CADM2: variants seen among roughly 807,000 people sequenced by gnomAD.
The protein encoded by CADM2 is cell adhesion molecule 2.
Under a neutral mutation model 49.8 loss-of-function variants are expected in CADM2, and 12 were observed. The ratio of observed to expected loss-of-function variants is 0.24; its 90% CI spans 0.15 to 0.39. The LOEUF is 0.39. Ranked by LOEUF, CADM2 falls within the 10% of genes least tolerant of loss-of-function variation. The pLI, the probability that CADM2 is intolerant of heterozygous loss-of-function variation, is 1.00. For synonymous variants in CADM2, 214 were observed against 175.4 expected (o/e 1.22, Z -1.74); for missense variants, 378 against 492.3 (o/e 0.77, Z 2.20).
At position 85,456,848 on chromosome 3, in the gene CADM2, G is replaced by A. The variant is rs190973409; in HGVS notation, c.62-269674G>A. ...GTGTTTTTTTCTTTTTTTTTTTTTC[G>A]AAATACTCCCTTGTTTTTAGATCTT... On this transcript the variant is annotated intron_variant, in intron 1 of 9. Transcript: ENST00000383699. Among the ~76,000 whole-genome samples the A allele has an allele frequency of 3.9e-4, 55 of 140,298 alleles. No homozygotes were observed. The East Asian group carries it at 8.9e-3, about 23-fold the overall frequency. 92.0% of individuals were successfully genotyped at this position (140,298 alleles called of 152,430 possible). A position where few individuals can be genotyped will look rare whatever the true frequency, so the allele number is the denominator to read the frequency against.
At position 85,961,499 on chromosome 3, in the gene CADM2, C is replaced by T. The variant is rs368528421; in HGVS notation, c.822C>T (p.Gly274=). 4.9e-5 allele frequency: 78 copies of T among 1,603,314 alleles called. No homozygotes were observed. The Middle Eastern group carries it at 2.3e-3, about 48-fold the overall frequency. ...AACCTGTTTTGTGGACAAAGGATGG[C>T]GGAGAATTACCAGATCCTGACCGAA... ...LPEPVLWTKD[G]GELPDPDRMV... Residue 274 remains glycine, a synonymous_variant, in exon 8 of 10, where the codon GGC becomes GGT. Coordinates refer to ENST00000383699, the MANE Select transcript of CADM2 (RefSeq NM_001167675.2).
At chr3:85,707,464 T>C (rs1000638499) in intron 1 of CADM2, among the ~76,000 whole-genome samples, 2 of 150,016 alleles carry the variant, frequency 1.3e-5, no homozygotes, top group African/African-American at 4.9e-5. Flanking sequence ...TTTCATAAAG[T>C]TAAAAATTAC....
intron 1 of CADM2, among the ~76,000 whole-genome samples, chr3:85,414,940 A>G (rs1035097448): frequency 6.6e-5 from 10 of 152,168 alleles, no homozygotes; most frequent in Non-Finnish European, 8.8e-5. Flanking sequence ...CTGAAAAATT[A>G]TGGTAAATTG....
chr3:85,969,999 T>TCACA (rs1261755519), intron 8 of CADM2, among the ~76,000 whole-genome samples: 1 of 136,248 alleles, frequency 7.3e-6, no homozygotes, highest in Non-Finnish European at 1.6e-5. Context: ...ACTCATACAC[T>TCACA]CACACACACA....
At chr3:85,312,491 G>T (rs2044369553) in intron 1 of CADM2, among the ~76,000 whole-genome samples, 1 of 151,922 alleles carries the variant, frequency 6.6e-6, no homozygotes. Context: ...GCATGATGCG[G>T]CATGATTTGA....
At chr3:85,044,934 C>G (rs938677539) in intron 1 of CADM2, among the ~76,000 whole-genome samples, 3 of 151,734 alleles carry the variant, frequency 2.0e-5, no homozygotes, top group Non-Finnish European at 4.4e-5. Context: ...AAAGAATGTC[C>G]TTTGGTTCAT....
intron 1 of CADM2, among the ~76,000 whole-genome samples, chr3:85,354,420 G>A (rs536605879): frequency 3.3e-5 from 5 of 150,824 alleles, no homozygotes; most frequent in Admixed American, 6.6e-5. Context: ...GAGTTAATGG[G>A]TGCAGCACAC....
intron 3 of CADM2, among the ~76,000 whole-genome samples, chr3:85,849,971 C>T (rs1301550005): frequency 6.6e-6 from 1 of 152,060 alleles, no homozygotes; most frequent in Admixed American, 6.6e-5. Context: ...ATTTTTAATT[C>T]AGGATACCGT....
chr3:85,822,824 A>G (rs1171612950), intron 3 of CADM2, among the ~76,000 whole-genome samples: 1 of 152,166 alleles, frequency 6.6e-6, no homozygotes, highest in Non-Finnish European at 1.5e-5. Context: ...AAAATGGTCT[A>G]TGATAACTTT....
chr3:85,303,546 G>A (rs1044700629), intron 1 of CADM2, among the ~76,000 whole-genome samples: 4 of 151,868 alleles, frequency 2.6e-5, no homozygotes, highest in Admixed American at 6.6e-5. Flanking sequence ...AATTGCTTGT[G>A]AAAAATCTCT....
At chr3:85,004,051 G>T (rs1449878296) in intron 1 of CADM2, among the ~76,000 whole-genome samples, 1 of 152,226 alleles carries the variant, frequency 6.6e-6, no homozygotes, top group African/African-American at 2.4e-5. Context: ...AGGCTGTTGA[G>T]CTGCCAGTTT....
chr3:85,646,902 A>G (rs1233409997), intron 1 of CADM2, among the ~76,000 whole-genome samples: 1 of 151,878 alleles, frequency 6.6e-6, no homozygotes, highest in East Asian at 1.9e-4. Context: ...CTGTCTTTAT[A>G]TCCTTGGCCT....
At chr3:84,960,086 C>A (rs1431493810) in intron 1 of CADM2, 1 of 225,946 alleles carries the variant, frequency 4.4e-6, no homozygotes, top group Non-Finnish European at 8.7e-6. Context: ...CTTTAACCTC[C>A]CCCTTTTCAG....
Position 85,359,666 on chromosome 3 carries a change from A to ATATATATATATATATATATATATTTTT in CADM2, c.62-366855_62-366854insATATATATATATATATATATATTTTTT. Among the ~76,000 whole-genome samples, 48 of 26,528 alleles carry ATATATATATATATATATATATATTTTT rather than the reference A, an allele frequency of 1.8e-3. 2 individuals are homozygous for ATATATATATATATATATATATATTTTT. The highest frequency in any genetic ancestry group is 2.4e-3 in the Non-Finnish European group (30 of 12,288). The allele number at this position is 26,528 out of a possible 152,430, so 17.4% of individuals were successfully genotyped here. On this transcript the variant is annotated intron_variant, in intron 1 of 9. Transcript: ENST00000383699. ...TATATATATATATATATATATATAT[A>ATATATATATATATATATATATATTTTT]TTTTTTTTTTTGGTGGAGGGGAGAA...
chr3:86,032,328 G>T (rs962107162), intron 8 of CADM2, among the ~76,000 whole-genome samples: 1 of 151,740 alleles, frequency 6.6e-6, no homozygotes, highest in Non-Finnish European at 1.5e-5. Context: ...TGTTTCAAAG[G>T]ACATCTGTGT....
chr3:85,509,805 T>G (rs2040528426), intron 1 of CADM2, among the ~76,000 whole-genome samples: 1 of 152,082 alleles, frequency 6.6e-6, no homozygotes, highest in South Asian at 2.1e-4. Flanking sequence ...GAACACAGTT[T>G]AGAGAGTCAG....
intron 1 of CADM2, among the ~76,000 whole-genome samples, chr3:85,180,460 G>A (rs1203087482): frequency 2.0e-5 from 3 of 149,618 alleles, no homozygotes; most frequent in Non-Finnish European, 3.0e-5. Flanking sequence ...AATGAGCCGC[G>A]GTAGCGCCAC....
chr3:85,061,677 C>A (rs537723792), intron 1 of CADM2, among the ~76,000 whole-genome samples: 1 of 152,132 alleles, frequency 6.6e-6, no homozygotes, highest in African/African-American at 2.4e-5. Context: ...TTCATGCAAT[C>A]TAAGTGTAAG....
chr3:85,637,543 A>T (rs2064540048), intron 1 of CADM2, among the ~76,000 whole-genome samples: 1 of 148,200 alleles, frequency 6.7e-6, no homozygotes, highest in African/African-American at 2.5e-5. Flanking sequence ...CGGAGCTTGC[A>T]GTGAGCCGAG....
Sources: gnomAD v4.1 joint callset for allele counts (sites outside exome capture counted in the v4.1 genomes callset) on GRCh38, gnomAD v4.1.1 for gene constraint, MANE v1.5 for transcripts, NCBI Gene and HGNC (gene_info 2026-07-23, HGNC 2026-07-21) for gene names.